GPR89A: variants seen among roughly 807,000 people sequenced by gnomAD.
GPR89A encodes the protein G protein-coupled receptor 89A.
GPR89A carries 16 observed loss-of-function variants against 52.0 expected under a neutral mutation model. That is an observed-to-expected ratio of 0.31 (90% CI 0.21 to 0.47). The LOEUF (loss-of-function observed/expected upper bound fraction) is 0.47. Among genes scored for constraint, GPR89A ranks in the 20% least tolerant of loss-of-function variants. The probability of loss-of-function intolerance (pLI) is 1.00; values close to 1 mark genes in which losing one functional copy is unlikely to be tolerated. For synonymous variants in GPR89A, 55 were observed against 150.9 expected, an observed-to-expected ratio of 0.36 and a Z score of 4.66; for missense variants, 135 against 449.4, an observed-to-expected ratio of 0.30 and a Z score of 6.33.
chr1:145,669,746 T>C, intron 13 of GPR89A, 56 bp downstream of exon 13: 2 of 1,610,052 alleles, frequency 1.2e-6, no homozygotes, highest in Non-Finnish European at 8.5e-7. Flanking sequence ...GAAATGTGCT[T>C]GATACTTTTA....
chr1:145,624,365 A>C (rs1649340514), intron 5 of GPR89A, among the ~76,000 whole-genome samples: 1 of 123,744 alleles, frequency 8.1e-6, no homozygotes, highest in Non-Finnish European at 1.6e-5. Flanking sequence ...ACAATGAACA[A>C]AAGTACCTCA....
chr1:145,617,710 G>A (rs1223471345), intron 2 of GPR89A, among the ~76,000 whole-genome samples: 1 of 151,904 alleles, frequency 6.6e-6, no homozygotes, highest in Non-Finnish European at 1.5e-5. Flanking sequence ...CTGACTTCCC[G>A]CAACACAAGG....
At chr1:145,652,329 C>T (rs1571527823) in intron 10 of GPR89A, among the ~76,000 whole-genome samples, 1 of 152,316 alleles carries the variant, frequency 6.6e-6, no homozygotes, top group East Asian at 1.9e-4. Context: ...ACCAGTGTTG[C>T]ATACTGGGCA....
At chr1:145,643,218 T>C (rs1243647147) in intron 7 of GPR89A, among the ~76,000 whole-genome samples, 3 of 152,044 alleles carry the variant, frequency 2.0e-5, no homozygotes, top group Non-Finnish European at 2.9e-5. Context: ...TGGGCTGGCG[T>C]GCAGTGGTGT....
chr1:145,625,182 CT>C (rs1201375064), intron 5 of GPR89A, among the ~76,000 whole-genome samples: 19 of 151,830 alleles, frequency 1.3e-4, no homozygotes, highest in African/African-American at 4.6e-4. Flanking sequence ...ATAAGAATAA[CT>C]TTCAAAATTT....
chr1:145,609,812 A>G (rs1220430358), intron 1 of GPR89A, among the ~76,000 whole-genome samples: 4 of 152,202 alleles, frequency 2.6e-5, no homozygotes, highest in Non-Finnish European at 5.9e-5. Flanking sequence ...ACAAATGTGG[A>G]AGAAAGACCC....
At chr1:145,647,867 C>A (rs1553692905) in intron 10 of GPR89A, among the ~76,000 whole-genome samples, 1 of 87,084 alleles carries the variant, frequency 1.1e-5, no homozygotes, top group African/African-American at 4.7e-5. Flanking sequence ...CTCTCTCTCT[C>A]TCTCTCTCTC....
chr1:145,666,953 T>C (rs587596532), intron 12 of GPR89A, among the ~76,000 whole-genome samples: 1 of 152,254 alleles, frequency 6.6e-6, no homozygotes, highest in Admixed American at 6.5e-5. Context: ...CAGTCTATCA[T>C]TGATGGACAT....
At position 145,669,699 on chromosome 1, in the gene GPR89A, A is replaced by G. The variant is rs1553697138; in HGVS notation, c.1161+9A>G. 1.2e-6 allele frequency: 2 copies of G among 1,611,486 alleles called. No individual in the cohort carries two copies. The highest frequency in any genetic ancestry group is 2.2e-5 in the South Asian group (2 of 90,976). ...TATTAGCACAGATAATGGTAAGTTT[A>G]ATTAGTTACCTTTATGTTTACAGCT... On this transcript the variant is annotated intron_variant, in intron 13 of 13. Coordinates refer to ENST00000313835, the MANE Select transcript of GPR89A (RefSeq NM_001097612.2).
chr1:145,667,676 G>C (rs1652668194), intron 12 of GPR89A, among the ~76,000 whole-genome samples: 2 of 152,116 alleles, frequency 1.3e-5, no homozygotes, highest in African/African-American at 4.8e-5. Flanking sequence ...TATTGCCTAG[G>C]TTTTCTTCTA....
chr1:145,623,185 G>C, intron 4 of GPR89A, 25 bp downstream of exon 4: 8 of 1,612,702 alleles, frequency 5.0e-6, no homozygotes, highest in Non-Finnish European at 6.8e-6. Context: ...CTCTCAGTCA[G>C]CATATAGATT....
intron 10 of GPR89A, among the ~76,000 whole-genome samples, chr1:145,650,222 G>A (rs1651353651): frequency 1.3e-5 from 2 of 150,212 alleles, no homozygotes; most frequent in African/African-American, 4.9e-5. Context: ...ACTTATAAGT[G>A]AGAACATGTG....
At chr1:145,608,717 T>C (rs1239334318) in intron 1 of GPR89A, 1 of 355,088 alleles carries the variant, frequency 2.8e-6, no homozygotes, top group Non-Finnish European at 4.1e-6. Flanking sequence ...GTTTTTGCAC[T>C]GACACCTCGT....
intron 3 of GPR89A, 92 bp downstream of exon 3, chr1:145,618,515 A>AC (rs587637693): frequency 9.0e-6 from 5 of 554,712 alleles, no homozygotes; most frequent in African/African-American, 4.2e-5. Context: ...TGAAAAAAAA[A>AC]ACACTGTGTT....
rs1209621333 is a variant in GPR89A, at chr1:145,645,573, A to C, written c.728-611A>C. 9 of 453,954 alleles carry C rather than the reference A, an allele frequency of 2.0e-5. 1 individual carries two copies. The East Asian group carries it at 6.3e-4, about 32-fold the overall frequency. The allele number at this position is 453,954 out of a possible 1,614,324, so 28.1% of individuals were successfully genotyped here. ...GTGTAATGGAAAGAGCAGGCTTTGGAGGAAAAGAGGATTTGACTTTGCATC... is the reference window on the plus strand; with the variant it reads ...GTGTAATGGAAAGAGCAGGCTTTGGCGGAAAAGAGGATTTGACTTTGCATC... On this transcript the variant is annotated intron_variant, in intron 8 of 13. Transcript: ENST00000313835.
rs1396197694 is a variant in GPR89A, at chr1:145,646,044, G to A, written c.728-140G>A. 4.6e-5 allele frequency: 60 copies of A among 1,311,458 alleles called. 1 individual carries two copies. Among genetic ancestry groups the A allele is most frequent in the South Asian group, 3.2e-4 (26 of 81,116 alleles). 81.2% of individuals were successfully genotyped at this position (1,311,458 alleles called of 1,614,324 possible). On this transcript the variant is annotated intron_variant, in intron 8 of 13. Coordinates refer to ENST00000313835, the MANE Select transcript of GPR89A (RefSeq NM_001097612.2). ...GTTGGGAAAGCTGCTCTGAAGTAGC[G>A]CTGCTGGCTATGAAACAGGAAATTG...
At chr1:145,636,603 T>C (rs1248494333) in intron 7 of GPR89A, among the ~76,000 whole-genome samples, 1 of 151,966 alleles carries the variant, frequency 6.6e-6, no homozygotes, top group Non-Finnish European at 1.5e-5. Flanking sequence ...TTTGTAGAGA[T>C]AGGAGGAAGA....
intron 7 of GPR89A, among the ~76,000 whole-genome samples, chr1:145,639,010 A>G (rs1486968111): frequency 1.3e-5 from 2 of 150,576 alleles, no homozygotes; most frequent in African/African-American, 5.0e-5. Flanking sequence ...AGCAACGGAC[A>G]TATGAACATC....
intron 10 of GPR89A, among the ~76,000 whole-genome samples, chr1:145,656,000 A>G (rs1228520091): frequency 5.9e-5 from 9 of 152,116 alleles, no homozygotes; most frequent in African/African-American, 1.9e-4. Flanking sequence ...ACATTTCTGC[A>G]GGGAGGCCTC....
Sources: allele counts gnomAD v4.1 joint callset (sites outside exome capture counted in the v4.1 genomes callset), GRCh38; gene constraint gnomAD v4.1.1; transcripts MANE v1.5; gene names NCBI Gene and HGNC (gene_info 2026-07-23, HGNC 2026-07-21).